Variants in GRIA4 observed in about 807,000 individuals in gnomAD.
The protein encoded by GRIA4 is glutamate receptor 4.
Under a neutral mutation model 104.0 loss-of-function variants are expected in GRIA4, and 34 were observed. That is an observed-to-expected ratio of 0.33 (90% CI 0.25 to 0.44). The LOEUF is 0.44. Among genes scored for constraint, GRIA4 ranks in the 20% least tolerant of loss-of-function variants. GRIA4 has a pLI of 1.00. For missense variants in GRIA4, 750 were observed against 1,096.5 expected (o/e 0.68, Z 4.46); for synonymous variants, 386 against 381.9 (o/e 1.01, Z -0.13).
chr11:105,670,756 T>C (rs1161826734), intron 3 of GRIA4, among the ~76,000 whole-genome samples: 1 of 152,150 alleles, frequency 6.6e-6, no homozygotes, highest in African/African-American at 2.4e-5. Flanking sequence ...TCAAAGCCAA[T>C]GCCTTCTGTA....
chr11:105,713,351 C>T (rs1953982033), intron 3 of GRIA4, among the ~76,000 whole-genome samples: 1 of 151,216 alleles, frequency 6.6e-6, no homozygotes, highest in Non-Finnish European at 1.5e-5. Flanking sequence ...CACTGCACCC[C>T]AGCCAGGAAG....
intron 3 of GRIA4, among the ~76,000 whole-genome samples, chr11:105,616,158 G>T (rs1355879595): frequency 6.6e-6 from 1 of 151,500 alleles, no homozygotes; most frequent in Admixed American, 6.6e-5. Context: ...TGATAGAAAG[G>T]ACTAATTGAT....
intron 6 of GRIA4, among the ~76,000 whole-genome samples, chr11:105,892,073 A>G (rs1946475056): frequency 6.6e-6 from 1 of 152,162 alleles, no homozygotes; most frequent in African/African-American, 2.4e-5. Context: ...AAAAGTTTGA[A>G]GCTCTGGCCT....
In GRIA4 at chr11:105,971,944, C is replaced by T; in HGVS notation, c.2325C>T (p.Leu775=). 6.2e-7 allele frequency: 1 copy of T among 1,612,146 alleles called. No homozygotes were observed. The highest frequency in any genetic ancestry group is 8.5e-7 in the Non-Finnish European group (1 of 1,178,574). Residue 775 remains leucine (L), a synonymous_variant, in exon 15 of 17, where the codon CTC becomes CTT. Coordinates refer to ENST00000282499, the MANE Select transcript of GRIA4 (RefSeq NM_000829.4). ...CTGTAAACCTTGCCGTTTTGAAACT[C>T]AGTGAGGCAGGCGTCTTAGACAAGC... ...RTPVNLAVLK[L]SEAGVLDKLK...
intron 3 of GRIA4, among the ~76,000 whole-genome samples, chr11:105,644,752 T>C (rs1951476875): frequency 6.6e-6 from 1 of 152,170 alleles, no homozygotes; most frequent in South Asian, 2.1e-4. Context: ...AAATTTTACT[T>C]ATGCTGAGAG....
intron 3 of GRIA4, among the ~76,000 whole-genome samples, chr11:105,616,403 G>C (rs755100905): frequency 1.3e-5 from 2 of 151,682 alleles, no homozygotes; most frequent in African/African-American, 4.8e-5. Flanking sequence ...ACTTTACAAA[G>C]TACTTGTAAA....
intron 10 of GRIA4, among the ~76,000 whole-genome samples, chr11:105,916,383 C>T (rs553862276): frequency 2.0e-5 from 3 of 152,010 alleles, no homozygotes; most frequent in Non-Finnish European, 4.4e-5. Flanking sequence ...ACATTGTGCC[C>T]GATACATAGT....
At chr11:105,842,894 C>A (rs1397123885) in intron 4 of GRIA4, 1 of 152,130 alleles carries the variant, frequency 6.6e-6, no homozygotes, top group African/African-American at 2.4e-5. Flanking sequence ...AGAAAAAGAA[C>A]CAAATTTTTG....
At chr11:105,695,213 T>C (rs1221860590) in intron 3 of GRIA4, among the ~76,000 whole-genome samples, 2 of 152,230 alleles carry the variant, frequency 1.3e-5, no homozygotes, top group Non-Finnish European at 2.9e-5. Context: ...TGCAGAACAC[T>C]ATACTTGGCC....
intron 3 of GRIA4, among the ~76,000 whole-genome samples, chr11:105,670,322 C>T (rs1478058158): frequency 6.6e-6 from 1 of 152,044 alleles, no homozygotes; most frequent in Non-Finnish European, 1.5e-5. Context: ...AAATGTCATA[C>T]ATTTGTAGAA....
At chr11:105,924,144 C>T (rs1947643325) in intron 11 of GRIA4, among the ~76,000 whole-genome samples, 2 of 152,222 alleles carry the variant, frequency 1.3e-5, no homozygotes, top group Non-Finnish European at 2.9e-5. Context: ...TTTTGCTTAT[C>T]CACTCTTACT....
At chr11:105,884,826 A>G (rs1946195080) in intron 5 of GRIA4, among the ~76,000 whole-genome samples, 1 of 152,210 alleles carries the variant, frequency 6.6e-6, no homozygotes, top group African/African-American at 2.4e-5. Context: ...TTATGGAGAC[A>G]CCCAGTGCAG....
intron 14 of GRIA4, among the ~76,000 whole-genome samples, chr11:105,961,948 A>G (rs1160544368): frequency 6.6e-6 from 1 of 152,214 alleles, no homozygotes; most frequent in Non-Finnish European, 1.5e-5. Context: ...ACTGCAAGTT[A>G]TTTGTTCTAC....
chr11:105,644,951 A>C (rs1265247651), intron 3 of GRIA4, among the ~76,000 whole-genome samples: 2 of 152,158 alleles, frequency 1.3e-5, no homozygotes, highest in Non-Finnish European at 2.9e-5. Context: ...TCTATTTTGG[A>C]AGTGGGAGGC....
intron 3 of GRIA4, among the ~76,000 whole-genome samples, chr11:105,655,685 G>A (rs1369160334): frequency 6.6e-6 from 1 of 152,070 alleles, no homozygotes; most frequent in African/African-American, 2.4e-5. Flanking sequence ...TGGCTGCATA[G>A]TATTCCATGG....
At chr11:105,707,724 G>A (rs1157035015) in intron 3 of GRIA4, 2 of 152,192 alleles carry the variant, frequency 1.3e-5, no homozygotes, top group Admixed American at 1.3e-4. Flanking sequence ...CTCAGAAGTT[G>A]ATTATGAGGC....
At chr11:105,695,452 G>C (rs1006526866) in intron 3 of GRIA4, among the ~76,000 whole-genome samples, 1 of 130,006 alleles carries the variant, frequency 7.7e-6, no homozygotes, top group African/African-American at 2.8e-5. Flanking sequence ...GTGCGTGTGT[G>C]TGTGTGTCTG....
chr11:105,974,300 T>TC lies in GRIA4; in HGVS notation c.2410-4dup, dbSNP rs577246071. 2.5e-6 allele frequency: 4 copies of TC among 1,612,526 alleles called. No individual in the cohort carries two copies. Among genetic ancestry groups the TC allele is most frequent in the Non-Finnish European group, 2.5e-6 (3 of 1,179,006 alleles). ...TCCACAGTTAACTGAAGTGTCTTTA[T>TC]CCCCCCTAGGACAAGACGAGTGCCT... On this transcript the variant is annotated splice_polypyrimidine_tract_variant and intron_variant, in intron 15 of 16. Transcript: ENST00000282499.
chr11:105,967,569 A>G (rs536116539), intron 14 of GRIA4, among the ~76,000 whole-genome samples: 4 of 152,306 alleles, frequency 2.6e-5, no homozygotes, highest in African/African-American at 9.6e-5. Flanking sequence ...GAACTACAAA[A>G]TGTTTTAGAA....
Sources: gnomAD v4.1 joint callset for allele counts (sites outside exome capture counted in the v4.1 genomes callset) on GRCh38, gnomAD v4.1.1 for gene constraint, MANE v1.5 for transcripts, NCBI Gene and HGNC (gene_info 2026-07-23, HGNC 2026-07-21) for gene names.